Variants in MAP4K5 observed in about 807,000 individuals in gnomAD.
MAP4K5 encodes mitogen-activated protein kinase kinase kinase kinase 5, also known as MAPK/ERK kinase kinase kinase 5.
MAP4K5 carries 82 observed loss-of-function variants against 135.6 expected under a neutral mutation model. That is an observed-to-expected ratio of 0.60 (90% CI 0.51 to 0.73). MAP4K5 has a LOEUF of 0.73. Ranked by LOEUF, MAP4K5 falls within the 30% of genes least tolerant of loss-of-function variation. MAP4K5 has a pLI of 0.00. For missense variants in MAP4K5, 907 were observed against 1,010.9 expected (o/e 0.90, Z 1.39); for synonymous variants, 347 against 335.0 (o/e 1.04, Z -0.39).
At chr14:50,558,968 G>C (rs575478104) in intron 1 of MAP4K5, 5 of 152,302 alleles carry the variant, frequency 3.3e-5, no homozygotes, top group African/African-American at 9.6e-5. Context: ...ATTTGGCAGT[G>C]GTGGGGGAGT....
At chr14:50,515,564 C>T (rs2038018991) in intron 2 of MAP4K5, among the ~76,000 whole-genome samples, 1 of 152,066 alleles carries the variant, frequency 6.6e-6, no homozygotes, top group Non-Finnish European at 1.5e-5. Context: ...TCCAATTATC[C>T]ACTAATCCCA....
At chr14:50,536,135 AT>A (rs1434117297), upstream of MAP4K5, among the ~76,000 whole-genome samples, 1 of 152,216 alleles carries the variant, frequency 6.6e-6, no homozygotes. Context: ...TATCAGCAGC[AT>A]GAAAACAGAC....
intron 28 of MAP4K5, among the ~76,000 whole-genome samples, chr14:50,430,113 T>G (rs1328085637): frequency 2.6e-5 from 4 of 152,096 alleles, no homozygotes; most frequent in Non-Finnish European, 5.9e-5. Flanking sequence ...TTCATACTTC[T>G]GAACATATTC....
At chr14:50,436,617 G>A (rs2036098900) in intron 26 of MAP4K5, among the ~76,000 whole-genome samples, 1 of 151,862 alleles carries the variant, frequency 6.6e-6, no homozygotes, top group South Asian at 2.1e-4. Flanking sequence ...ATGACCTTTA[G>A]TGGGGCTGCA....
In MAP4K5 at chr14:50,434,469, C is replaced by T. The variant is rs1238912096; in HGVS notation, c.2089G>A (p.Glu697Lys). ...MVCVAISKGT[E>K]SNQVVQFETI... ...TCAAACTGAACTACCTGATTCGATT[C>T]AGTGCCTTTGCTAATAGCTACACAG... The change falls in exon 28 of 33, where the codon GAA (glutamate) becomes AAA (lysine). Residue 697 changes from glutamate to lysine, a missense_variant. Around this residue, in one of 3 missense-constraint regions of MAP4K5, gnomAD observed 690 missense variants for 777.4 expected, o/e 0.89. Coordinates refer to ENST00000682126, the MANE Select transcript of MAP4K5 (RefSeq NM_006575.6). 1 of 1,609,086 alleles carries T rather than the reference C, an allele frequency of 6.2e-7. No homozygotes were observed. The highest frequency in any genetic ancestry group is 1.3e-5 in the African/African-American group (1 of 74,864).
chr14:50,534,255 A>G (rs1215396388), upstream of MAP4K5, among the ~76,000 whole-genome samples: 2 of 152,224 alleles, frequency 1.3e-5, no homozygotes, highest in African/African-American at 4.8e-5. Context: ...ATAAAACAAG[A>G]TAAAAATAAG....
At chr14:50,432,567 AAAAAAAAAAC>A (rs2035995540) in intron 28 of MAP4K5, among the ~76,000 whole-genome samples, 3 of 92,658 alleles carry the variant, frequency 3.2e-5, no homozygotes, top group Admixed American at 2.3e-4. Flanking sequence ...AAAAAAAAAA[AAAAAAAAAAC>A]AAAAAAACGC....
At chr14:50,558,595 A>T (rs1233587934) in intron 1 of MAP4K5, among the ~76,000 whole-genome samples, 1 of 152,224 alleles carries the variant, frequency 6.6e-6, no homozygotes. Context: ...ACAGGTTTTT[A>T]AAAAATTAAT....
rs541948128 is a variant in MAP4K5, at chr14:50,523,893, C to G, written c.108+8049G>C. On this transcript the variant is annotated intron_variant, in intron 2 of 32. Coordinates refer to ENST00000682126, the MANE Select transcript of MAP4K5 (RefSeq NM_006575.6). ...TCCTCCCAGTTCTCCATCCCAGCTC[C>G]CATTCATTAACATGCCTCACTCTAA... 3.3e-5 allele frequency among the ~76,000 whole-genome samples: 5 copies of G among 152,272 alleles called. No homozygotes were observed. In the South Asian group the frequency reaches 8.3e-4, roughly 25 times the overall value.
chr14:50,446,187 T>G (rs1229000371), intron 16 of MAP4K5, 66 bp from the exon 17 acceptor site: 2 of 918,802 alleles, frequency 2.2e-6, no homozygotes, highest in East Asian at 5.5e-5. Context: ...ACAGATACTA[T>G]TAAATATGTA....
intron 11 of MAP4K5, 59 bp from the exon 12 acceptor site, chr14:50,464,192 A>T: frequency 4.9e-6 from 4 of 822,622 alleles, no homozygotes; most frequent in Non-Finnish European, 8.0e-6. Context: ...CGGTGTTAGT[A>T]AATAACATTA....
chr14:50,509,127 CAAGGACAGAA>C (rs916136287), intron 2 of MAP4K5, among the ~76,000 whole-genome samples: 4 of 150,490 alleles, frequency 2.7e-5, no homozygotes, highest in Non-Finnish European at 4.4e-5. Flanking sequence ...CAAACTATCA[CAAGGACAGAA>C]AACCAAACAC....
intron 2 of MAP4K5, among the ~76,000 whole-genome samples, chr14:50,519,633 G>A (rs547420091): frequency 6.0e-4 from 91 of 151,726 alleles, no homozygotes; most frequent in Admixed American, 4.0e-3. Flanking sequence ...CAGCCTGGGC[G>A]ACAAAGTGAG....
chr14:50,491,009 C>T (rs907867494), intron 3 of MAP4K5, among the ~76,000 whole-genome samples: 2 of 152,114 alleles, frequency 1.3e-5, no homozygotes, highest in Non-Finnish European at 2.9e-5. Context: ...GTCGGTTGCA[C>T]CCCTCGTGTA....
At chr14:50,498,498 T>G (rs1460993341) in intron 3 of MAP4K5, among the ~76,000 whole-genome samples, 2 of 152,214 alleles carry the variant, frequency 1.3e-5, no homozygotes, top group East Asian at 3.9e-4. Context: ...GGCTAATTAA[T>G]AAACGCGATT....
chr14:50,523,780 A>G (rs114327087), intron 2 of MAP4K5, among the ~76,000 whole-genome samples: 2,247 of 152,232 alleles, frequency 0.015, 48 homozygotes, highest in African/African-American at 0.051. Context: ...TGTTCACTAG[A>G]TGTATCACAA....
At chr14:50,427,019 CAT>C (rs1297452862) in intron 30 of MAP4K5, among the ~76,000 whole-genome samples, 1 of 152,120 alleles carries the variant, frequency 6.6e-6, no homozygotes, top group African/African-American at 2.4e-5. Flanking sequence ...TGACAAATCA[CAT>C]GTGTTTCACT....
intron 9 of MAP4K5, among the ~76,000 whole-genome samples, chr14:50,469,386 G>C (rs1406155806): frequency 6.6e-6 from 1 of 152,214 alleles, no homozygotes; most frequent in Non-Finnish European, 1.5e-5. Context: ...CATGGTTAGA[G>C]AAAGTCTCAA....
At chr14:50,544,044 G>T (rs993400655) in intron 1 of MAP4K5, among the ~76,000 whole-genome samples, 3 of 152,208 alleles carry the variant, frequency 2.0e-5, no homozygotes, top group Admixed American at 6.5e-5. Flanking sequence ...GGGGAAATTG[G>T]TTATTGCTCC....
Sources: gnomAD v4.1 joint callset for allele counts (sites outside exome capture counted in the v4.1 genomes callset) on GRCh38, gnomAD v4.1.1 for gene constraint, gnomAD v4.1.1 regional missense constraint, MANE v1.5 for transcripts, NCBI Gene and HGNC (gene_info 2026-07-23, HGNC 2026-07-21) for gene names.